The following NTRK3 variants were observed in gnomAD, a reference collection of about 807,000 sequenced individuals.
NTRK3 encodes the protein NT-3 growth factor receptor.
In NTRK3, 24 loss-of-function variants were observed where a neutral mutation model predicts 91.7. The ratio of observed to expected loss-of-function variants is 0.26; its 90% confidence interval spans 0.19 to 0.37. NTRK3 has a LOEUF of 0.37. NTRK3 is among the 10% of genes least tolerant of loss of function. The probability of loss-of-function intolerance (pLI) is 1.00; values close to 1 mark genes in which losing one functional copy is unlikely to be tolerated. For synonymous variants in NTRK3, 483 were observed against 404.0 expected, an observed-to-expected ratio of 1.20 and a Z score of -2.34; for missense variants, 880 against 1,068.9, an observed-to-expected ratio of 0.82 and a Z score of 2.46.
chr15:87,928,668 C>T lies in NTRK3; in HGVS notation c.2133+523G>A, dbSNP rs1385188614. 8 of 193,428 alleles carry T rather than the reference C, an allele frequency of 4.1e-5. No homozygotes were observed. In the South Asian group the frequency reaches 5.0e-4, roughly 12 times the overall value. 12.0% of individuals were successfully genotyped at this position (193,428 alleles called of 1,614,324 possible). On this transcript the variant is annotated intron_variant, in intron 17 of 18. Transcript: ENST00000394480. The stretch of plus-strand genomic sequence containing the variant: ...TGTTCCAGCCCATTTGGATAATGCT[C>T]AGCAATATATTAGCCATCTTTGTTA...
At chr15:88,203,926 C>A (rs2048510198) in intron 3 of NTRK3, among the ~76,000 whole-genome samples, 1 of 151,454 alleles carries the variant, frequency 6.6e-6, no homozygotes, top group Non-Finnish European at 1.5e-5. Context: ...AGGTTTGTTA[C>A]ACGGGTATAC....
intron 13 of NTRK3, among the ~76,000 whole-genome samples, chr15:88,112,959 G>T (rs1294970526): frequency 6.6e-6 from 1 of 152,178 alleles, no homozygotes; most frequent in African/African-American, 2.4e-5. Flanking sequence ...TCCTCCTTAG[G>T]CTGGGGGCTT....
chr15:87,916,308 G>GAA (rs11353828), intron 17 of NTRK3: 1,175 of 333,868 alleles, frequency 3.5e-3, no homozygotes, highest in Non-Finnish European at 4.0e-3. Flanking sequence ...TTTGTCTCAG[G>GAA]AAAAAAAAAA....
intron 14 of NTRK3, among the ~76,000 whole-genome samples, chr15:87,962,509 A>G (rs1484102479): frequency 2.0e-5 from 3 of 152,216 alleles, no homozygotes; most frequent in Admixed American, 2.0e-4. Flanking sequence ...ACTTGGCCTC[A>G]AAAGCTGCAG....
At chr15:88,187,217 G>A (rs973829390) in intron 3 of NTRK3, among the ~76,000 whole-genome samples, 18 of 152,192 alleles carry the variant, frequency 1.2e-4, no homozygotes, top group Non-Finnish European at 1.2e-4. Context: ...AGAGTGTGGA[G>A]GGGAAGGAAA....
chr15:88,058,532 C>T (rs896699896), intron 13 of NTRK3, among the ~76,000 whole-genome samples: 1 of 152,056 alleles, frequency 6.6e-6, no homozygotes, highest in South Asian at 2.1e-4. Context: ...CAGAAAGACC[C>T]CTAGTATTGG....
chr15:88,157,374 C>A (rs1430396837), intron 5 of NTRK3, among the ~76,000 whole-genome samples: 1 of 152,056 alleles, frequency 6.6e-6, no homozygotes, highest in African/African-American at 2.4e-5. Context: ...GCCTCTTTGA[C>A]CCCTCCCTGC....
At chr15:88,155,970 A>G (rs748354732) in intron 5 of NTRK3, among the ~76,000 whole-genome samples, 5 of 152,146 alleles carry the variant, frequency 3.3e-5, no homozygotes, top group Non-Finnish European at 7.3e-5. Context: ...ATGAGTGGCC[A>G]AAGGCTACCA....
intron 17 of NTRK3, among the ~76,000 whole-genome samples, chr15:87,883,840 A>G (rs897168132): frequency 7.3e-5 from 11 of 151,478 alleles, no homozygotes; most frequent in Admixed American, 3.9e-4. Context: ...ATAAAATGTA[A>G]AAGTATTTAT....
intron 17 of NTRK3, chr15:87,927,078 T>A (rs2068376276): frequency 6.6e-6 from 1 of 152,260 alleles, no homozygotes; most frequent in Non-Finnish European, 1.5e-5. Flanking sequence ...TCTTTGATAT[T>A]TTCTGGCAGG....
At chr15:87,980,184 A>G (rs1001440241) in intron 14 of NTRK3, among the ~76,000 whole-genome samples, 6 of 152,216 alleles carry the variant, frequency 3.9e-5, no homozygotes, top group Admixed American at 6.5e-5. Flanking sequence ...GAGGACTTCC[A>G]TGACAGCTCA....
intron 3 of NTRK3, among the ~76,000 whole-genome samples, chr15:88,197,473 C>T (rs1026593463): frequency 7.2e-5 from 11 of 152,154 alleles, no homozygotes; most frequent in South Asian, 2.1e-4. Flanking sequence ...GGCTATCAAA[C>T]GCCTCACACC....
intron 5 of NTRK3, among the ~76,000 whole-genome samples, chr15:88,168,443 T>C (rs1448520687): frequency 6.6e-6 from 1 of 152,222 alleles, no homozygotes; most frequent in East Asian, 1.9e-4. Flanking sequence ...TTATTAATAT[T>C]CTAAGTGGAG....
At chr15:88,206,223 T>C (rs1388031351) in intron 3 of NTRK3, among the ~76,000 whole-genome samples, 2 of 147,950 alleles carry the variant, frequency 1.4e-5, no homozygotes, top group East Asian at 4.0e-4. Context: ...CGGGCACCTG[T>C]AGTCCCAGCT....
chr15:88,154,602 CA>C (rs1432844843), intron 5 of NTRK3, among the ~76,000 whole-genome samples: 1 of 152,128 alleles, frequency 6.6e-6, no homozygotes, highest in Non-Finnish European at 1.5e-5. Context: ...TTAATGAAGT[CA>C]AAATGCTTTC....
chr15:87,923,452 A>C (rs2068041078), intron 17 of NTRK3, among the ~76,000 whole-genome samples: 1 of 152,210 alleles, frequency 6.6e-6, no homozygotes, highest in Non-Finnish European at 1.5e-5. Flanking sequence ...AAAAGGGTAG[A>C]GCTCCATGAG....
chr15:88,088,066 T>G (rs141636397), intron 13 of NTRK3, among the ~76,000 whole-genome samples: 48 of 152,222 alleles, frequency 3.2e-4, no homozygotes, highest in Middle Eastern at 3.4e-3. Context: ...AATAAGTAAA[T>G]GAATACTTCC....
intron 13 of NTRK3, among the ~76,000 whole-genome samples, chr15:88,057,412 C>T (rs530171432): frequency 6.7e-6 from 1 of 150,296 alleles, no homozygotes; most frequent in South Asian, 2.1e-4. Flanking sequence ...GTGGGAGAAA[C>T]GCTGGAATCT....
intron 17 of NTRK3, among the ~76,000 whole-genome samples, chr15:87,921,822 G>GT (rs761603381): frequency 1.1e-4 from 16 of 151,898 alleles, no homozygotes; most frequent in Non-Finnish European, 1.6e-4. Flanking sequence ...AATATTTCCA[G>GT]GCTGCTATGA....
Sources: gnomAD v4.1 joint callset for allele counts (sites outside exome capture counted in the v4.1 genomes callset) on GRCh38, gnomAD v4.1.1 for gene constraint, MANE v1.5 for transcripts, NCBI Gene and HGNC (gene_info 2026-07-23, HGNC 2026-07-21) for gene names.